Variants in NTM observed in about 807,000 individuals in gnomAD.
NTM encodes IgLON family member 2.
A neutral mutation model predicts 42.1 loss-of-function variants in NTM; 13 were observed. The ratio of observed to expected loss-of-function variants is 0.31; its 90% confidence interval spans 0.20 to 0.49. The LOEUF is 0.49. Among genes scored for constraint, NTM ranks in the 20% least tolerant of loss-of-function variants. NTM has a pLI of 0.99. For missense variants in NTM, 373 were observed against 452.8 expected, an observed-to-expected ratio of 0.82 and a Z score of 1.60; for synonymous variants, 187 against 179.2, an observed-to-expected ratio of 1.04 and a Z score of -0.35.
chr11:132,046,824 A>G (rs1033189092), intron 2 of NTM, among the ~76,000 whole-genome samples: 2 of 152,098 alleles, frequency 1.3e-5, no homozygotes, highest in Admixed American at 6.6e-5. Context: ...CTATCTATCT[A>G]ACTATCTATC....
intron 4 of NTM, among the ~76,000 whole-genome samples, chr11:132,285,672 A>G (rs1341901303): frequency 6.6e-6 from 1 of 152,210 alleles, no homozygotes; most frequent in African/African-American, 2.4e-5. Context: ...ATATGAGTTT[A>G]GCTCTTAGGA....
intron 2 of NTM, among the ~76,000 whole-genome samples, chr11:131,914,627 G>A (rs1011892911): frequency 6.6e-6 from 1 of 152,186 alleles, no homozygotes; most frequent in Non-Finnish European, 1.5e-5. Context: ...TATCCAAGTA[G>A]CTCTAACAAT....
intron 1 of NTM, among the ~76,000 whole-genome samples, chr11:131,674,640 G>A (rs1394943750): frequency 2.0e-5 from 3 of 152,172 alleles, no homozygotes; most frequent in Non-Finnish European, 1.5e-5. Flanking sequence ...CATGAATCTG[G>A]TGTTGGCTCA....
chr11:132,165,367 C>T (rs1225287848), intron 3 of NTM, among the ~76,000 whole-genome samples: 1 of 152,090 alleles, frequency 6.6e-6, no homozygotes, highest in Admixed American at 6.5e-5. Context: ...TATAGATGCC[C>T]GTCACTCACG....
chr11:131,517,858 A>G (rs186647432), intron 1 of NTM, among the ~76,000 whole-genome samples: 1 of 152,200 alleles, frequency 6.6e-6, no homozygotes, highest in African/African-American at 2.4e-5. Flanking sequence ...CAGATACCCA[A>G]TGTTGCATGG....
intron 2 of NTM, among the ~76,000 whole-genome samples, chr11:132,071,191 A>C (rs374684444): frequency 8.0e-6 from 1 of 124,820 alleles, no homozygotes; most frequent in African/African-American, 2.8e-5. Context: ...AACACGTCAC[A>C]CAGCCAAGTT....
chr11:131,935,929 C>T (rs2059163597), intron 2 of NTM, among the ~76,000 whole-genome samples: 1 of 152,082 alleles, frequency 6.6e-6, no homozygotes, highest in African/African-American at 2.4e-5. Flanking sequence ...TAGCTTAAAT[C>T]AGCATTAAAG....
At chr11:131,823,365 G>A (rs1185239654) in intron 1 of NTM, among the ~76,000 whole-genome samples, 1 of 152,120 alleles carries the variant, frequency 6.6e-6, no homozygotes, top group Non-Finnish European at 1.5e-5. Context: ...TGACTAAGTG[G>A]CCGATGCAGT....
intron 1 of NTM, among the ~76,000 whole-genome samples, chr11:131,474,312 G>C (rs1472715248): frequency 6.6e-6 from 1 of 152,042 alleles, no homozygotes; most frequent in African/African-American, 2.4e-5. Flanking sequence ...CCCTTTCCCA[G>C]TTTTCCTCTT....
chr11:132,220,384 T>C (rs1566506043), intron 4 of NTM, among the ~76,000 whole-genome samples: 2 of 152,208 alleles, frequency 1.3e-5, no homozygotes, highest in African/African-American at 4.8e-5. Flanking sequence ...GCTAGATAGA[T>C]GCAGTTAGGG....
intron 1 of NTM, among the ~76,000 whole-genome samples, chr11:131,676,787 C>CA (rs1186693901): frequency 6.6e-6 from 1 of 152,160 alleles, no homozygotes; most frequent in Non-Finnish European, 1.5e-5. Context: ...CTTCTAAGAA[C>CA]AAGGCGTCTT....
intron 1 of NTM, among the ~76,000 whole-genome samples, chr11:131,903,585 G>A (rs1292491795): frequency 9.9e-5 from 15 of 152,154 alleles, no homozygotes; most frequent in East Asian, 1.9e-4. Flanking sequence ...TTACCTAGAC[G>A]AATGGGAAGA....
chr11:131,560,457 G>C (rs1217927339), intron 1 of NTM, among the ~76,000 whole-genome samples: 2 of 152,144 alleles, frequency 1.3e-5, no homozygotes, highest in Non-Finnish European at 2.9e-5. Context: ...TCAATACCAT[G>C]AGGTTGGCTG....
Position 132,331,159 on chromosome 11 carries a change from A to AAGAT in NTM, c.967+977_967+980dup, listed in dbSNP as rs542844098. ...GAAGATGCATCTCTGAGATAGTGGG[A>AAGAT]AGATAGTTGCATTTGAAGACAGAAG... On this transcript the variant is annotated intron_variant, in intron 8 of 8. Coordinates refer to ENST00000683400, the MANE Select transcript of NTM (RefSeq NM_001352005.2). 9.2e-5 allele frequency among the ~76,000 whole-genome samples: 14 copies of AAGAT among 152,328 alleles called. No homozygotes were observed. The East Asian group carries it at 2.7e-3, about 29-fold the overall frequency.
intron 1 of NTM, among the ~76,000 whole-genome samples, chr11:131,704,009 C>T (rs1031470397): frequency 6.6e-6 from 1 of 152,192 alleles, no homozygotes; most frequent in African/African-American, 2.4e-5. Context: ...ACCCGATCAG[C>T]ACTAGTGACT....
At chr11:131,862,678 T>A (rs908525067) in intron 1 of NTM, among the ~76,000 whole-genome samples, 3 of 152,236 alleles carry the variant, frequency 2.0e-5, no homozygotes, top group African/African-American at 7.2e-5. Flanking sequence ...TTCATGTTCC[T>A]CTTATAGCAA....
intron 1 of NTM, among the ~76,000 whole-genome samples, chr11:131,656,432 G>A (rs2067195308): frequency 6.6e-6 from 1 of 152,246 alleles, no homozygotes; most frequent in Non-Finnish European, 1.5e-5. Context: ...CATGGGCTGT[G>A]AGGAGGCACT....
intron 2 of NTM, among the ~76,000 whole-genome samples, chr11:132,135,672 G>C (rs2067758899): frequency 6.6e-6 from 1 of 152,226 alleles, no homozygotes; most frequent in Admixed American, 6.5e-5. Flanking sequence ...TGTCTGTGGA[G>C]GTGGGGGTGC....
chr11:131,739,889 G>A (rs1320554574), intron 1 of NTM, among the ~76,000 whole-genome samples: 1 of 152,310 alleles, frequency 6.6e-6, no homozygotes, highest in East Asian at 1.9e-4. Context: ...ATGAGCAAGG[G>A]GGCCTCAAAA....
Sources: gnomAD v4.1 joint callset for allele counts (sites outside exome capture counted in the v4.1 genomes callset) on GRCh38, gnomAD v4.1.1 for gene constraint, MANE v1.5 for transcripts, NCBI Gene and HGNC (gene_info 2026-07-23, HGNC 2026-07-21) for gene names.